NOVA1: variants seen among roughly 807,000 people sequenced by gnomAD.
NOVA1 encodes the protein NOVA alternative splicing regulator 1.
Under a neutral mutation model 38.0 loss-of-function variants are expected in NOVA1, and 7 were observed. The ratio of observed to expected loss-of-function variants is 0.18; its 90% CI spans 0.10 to 0.35. The LOEUF is 0.35. Ranked by LOEUF, NOVA1 falls within the 10% of genes least tolerant of loss-of-function variation. The pLI is 1.00. For synonymous variants in NOVA1, 270 were observed against 232.5 expected (o/e 1.16, Z -1.47); for missense variants, 460 against 616.0 (o/e 0.75, Z 2.68).
rs188514020 is a variant in NOVA1 at position 26,480,222 on chromosome 14, C to A, written c.281-79G>T. ...ATTATGAAAAAGGATGATATCATAA[C>A]GCCAAAAAAATGTAAAATGCAGAAC... On this transcript the variant is annotated intron_variant, in intron 2 of 4. Transcript: ENST00000539517. 7 of 1,273,202 alleles carry A rather than the reference C, an allele frequency of 5.5e-6. No homozygotes were observed. In the African/African-American group the frequency reaches 9.0e-5, roughly 16 times the overall value. The allele number at this position is 1,273,202 out of a possible 1,614,324, so 78.9% of individuals were successfully genotyped here. A position where few individuals can be genotyped will look rare whatever the true frequency, so the allele number is the denominator to read the frequency against.
chr14:26,539,769 A>T (rs2138590994), intron 2 of NOVA1, among the ~76,000 whole-genome samples: 1 of 152,296 alleles, frequency 6.6e-6, no homozygotes, highest in East Asian at 1.9e-4. Context: ...AAGGATAAGC[A>T]TATATTCAAA....
chr14:26,580,715 A>C (rs1017219179), intron 2 of NOVA1, among the ~76,000 whole-genome samples: 2 of 151,892 alleles, frequency 1.3e-5, no homozygotes, highest in African/African-American at 4.8e-5. Flanking sequence ...AATGTTTAAA[A>C]ATATATAAGA....
chr14:26,447,721 T>C lies in NOVA1; in HGVS notation c.*238A>G, dbSNP rs1279171514. On this transcript the variant is annotated 3_prime_UTR_variant, in exon 5 of 5. Coordinates refer to ENST00000539517, the MANE Select transcript of NOVA1 (RefSeq NM_002515.3). ...GCTTAAATCTTACACTAGAAACACC[T>C]CTGACAAATATACACAAGCAAAGTA... The C allele has an allele frequency of 1.7e-5, 9 of 534,082 alleles. 1 individual carries two copies. The highest frequency in any genetic ancestry group is 9.8e-5 in the Admixed American group (3 of 30,596). 33.1% of individuals were successfully genotyped at this position (534,082 alleles called of 1,614,324 possible).
At chr14:26,585,187 A>C (rs1427576333) in intron 2 of NOVA1, among the ~76,000 whole-genome samples, 1 of 151,436 alleles carries the variant, frequency 6.6e-6, no homozygotes, top group Non-Finnish European at 1.5e-5. Flanking sequence ...TATTTCATGT[A>C]TCTCTTTAAA....
chr14:26,467,188 G>A (rs1268150919), intron 4 of NOVA1, among the ~76,000 whole-genome samples: 1 of 152,176 alleles, frequency 6.6e-6, no homozygotes, highest in Admixed American at 6.5e-5. Context: ...ATTCTGAGAA[G>A]AAGCAAAATG....
intron 2 of NOVA1, among the ~76,000 whole-genome samples, chr14:26,542,305 G>A (rs976604956): frequency 1.3e-5 from 2 of 151,578 alleles, no homozygotes; most frequent in Non-Finnish European, 3.0e-5. Context: ...TTTAAATAGA[G>A]GTAATTTTTC....
chr14:26,505,523 G>A (rs937645700), intron 2 of NOVA1, among the ~76,000 whole-genome samples: 5 of 152,008 alleles, frequency 3.3e-5, no homozygotes, highest in African/African-American at 7.3e-5. Flanking sequence ...CAATTAAACC[G>A]ATTTTTTAAT....
chr14:26,516,614 A>G (rs551906397), intron 2 of NOVA1, among the ~76,000 whole-genome samples: 1 of 152,328 alleles, frequency 6.6e-6, no homozygotes, highest in East Asian at 1.9e-4. Context: ...AACTCAGACT[A>G]TGCTTTCACA....
rs1886937180 is a variant in NOVA1 at position 26,497,900 on chromosome 14, C to G, written c.281-17757G>C. ...ATGGCATCTACTAGAATGCTAGTAA[C>G]TATATACTGTTAAGAAAAGAAATAA... On this transcript the variant is annotated intron_variant, in intron 2 of 4. Coordinates refer to ENST00000539517, the MANE Select transcript of NOVA1 (RefSeq NM_002515.3). 1.3e-5 allele frequency among the ~76,000 whole-genome samples: 2 copies of G among 152,086 alleles called. 1 individual carries two copies. Among genetic ancestry groups the G allele is most frequent in the Admixed American group, 1.3e-4 (2 of 15,268 alleles).
chr14:26,590,778 T>C (rs1365682701), intron 2 of NOVA1, among the ~76,000 whole-genome samples: 5 of 151,798 alleles, frequency 3.3e-5, no homozygotes, highest in African/African-American at 1.2e-4. Flanking sequence ...TGCAAGGCAA[T>C]GTTGTAGATA....
At chr14:26,538,221 C>T (rs1275288716) in intron 2 of NOVA1, among the ~76,000 whole-genome samples, 3 of 152,084 alleles carry the variant, frequency 2.0e-5, no homozygotes. Context: ...CTGAAAAATA[C>T]AGTTGGTTAA....
chr14:26,547,337 A>C (rs1323052475), intron 2 of NOVA1, among the ~76,000 whole-genome samples: 3 of 152,074 alleles, frequency 2.0e-5, no homozygotes, highest in African/African-American at 4.8e-5. Context: ...TGTTCCAAAA[A>C]ATTAATTTAA....
At chr14:26,498,787 T>C (rs1030680805) in intron 2 of NOVA1, among the ~76,000 whole-genome samples, 1 of 152,186 alleles carries the variant, frequency 6.6e-6, no homozygotes, top group Non-Finnish European at 1.5e-5. Context: ...AACATTTTCT[T>C]TGATTGATTG....
chr14:26,560,988 G>C (rs898612755), intron 2 of NOVA1, among the ~76,000 whole-genome samples: 3 of 152,140 alleles, frequency 2.0e-5, no homozygotes, highest in African/African-American at 7.2e-5. Context: ...GGTACAGGGT[G>C]GGGGGATGGT....
chr14:26,569,179 T>TAGAGTATTTTAAAATAAGTATTCTTAAA (rs1892320253), intron 2 of NOVA1, among the ~76,000 whole-genome samples: 3 of 152,086 alleles, frequency 2.0e-5, no homozygotes, highest in Non-Finnish European at 2.9e-5. Context: ...AACTGTCAGA[T>TAGAGTATTTTAAAATAAGTATTCTTAAA]AGAGTATTTT....
intron 1 of NOVA1, chr14:26,596,631 A>T (rs1223996667): frequency 7.8e-6 from 10 of 1,289,176 alleles, no homozygotes; most frequent in Non-Finnish European, 1.0e-5. Context: ...TGAAGAAGCG[A>T]TATCGGTCCC....
intron 2 of NOVA1, among the ~76,000 whole-genome samples, chr14:26,522,973 T>G (rs1475112127): frequency 1.3e-5 from 2 of 152,180 alleles, no homozygotes; most frequent in African/African-American, 4.8e-5. Flanking sequence ...CCTAAATTAG[T>G]GTTTTCTTAA....
chr14:26,559,845 A>T (rs1193965473), intron 2 of NOVA1, among the ~76,000 whole-genome samples: 1 of 151,582 alleles, frequency 6.6e-6, no homozygotes, highest in Non-Finnish European at 1.5e-5. Flanking sequence ...GTATATTTCA[A>T]ACTAATTACA....
intron 2 of NOVA1, among the ~76,000 whole-genome samples, chr14:26,585,806 T>G (rs2138788057): frequency 8.0e-5 from 1 of 12,486 alleles, no homozygotes; most frequent in East Asian, 0.045. Context: ...GAACGCAAAA[T>G]TCCCGTCATA....
Sources: allele counts gnomAD v4.1 joint callset (sites outside exome capture counted in the v4.1 genomes callset), GRCh38; gene constraint gnomAD v4.1.1; transcripts MANE v1.5; gene names NCBI Gene and HGNC (gene_info 2026-07-23, HGNC 2026-07-21).